MEI1: variants seen among roughly 807,000 people sequenced by gnomAD.
MEI1 encodes meiotic double-stranded break formation protein 1.
Under a neutral mutation model 146.2 loss-of-function variants are expected in MEI1, and 103 were observed. The observed-to-expected ratio is 0.70, with a 90% confidence interval of 0.60 to 0.83. The LOEUF is 0.83. Among genes scored for constraint, MEI1 ranks in the 40% least tolerant of loss-of-function variants. The pLI, the probability that MEI1 is intolerant of heterozygous loss-of-function variation, is 0.00. For missense variants in MEI1, 1,529 were observed against 1,533.0 expected, an observed-to-expected ratio of 1.00 and a Z score of 0.04; for synonymous variants, 652 against 628.2, an observed-to-expected ratio of 1.04 and a Z score of -0.57.
intron 6 of MEI1, among the ~76,000 whole-genome samples, chr22:41,720,660 G>C (rs1395605716): frequency 6.6e-6 from 1 of 150,520 alleles, no homozygotes; most frequent in Non-Finnish European, 1.5e-5. Flanking sequence ...CAGTGGGCGT[G>C]ATCTCAGCTC....
At chr22:41,732,433 A>G (rs2071947286) in intron 10 of MEI1, 36 bp from the exon 11 acceptor site, 2 of 1,613,560 alleles carry the variant, frequency 1.2e-6, no homozygotes, top group East Asian at 2.2e-5. Context: ...CAGTGAGAAG[A>G]GTTCACCTAC....
In MEI1 at chr22:41,799,419, TGAAATA is replaced by T; in HGVS notation, c.*124_*129del. On this transcript the variant is annotated 3_prime_UTR_variant, in exon 31 of 31. Transcript: ENST00000401548. ...CATATGGAGCCATATACTCTATTGTTGAAATAGAATAAGGAAATAAAATGATACACT... is the reference window on the plus strand; with the variant it reads ...CATATGGAGCCATATACTCTATTGTTGAATAAGGAAATAAAATGATACACT... 1.1e-6 allele frequency: 1 copy of T among 905,752 alleles called. No individual in the cohort carries two copies. The highest frequency in any genetic ancestry group is 1.7e-6 in the Non-Finnish European group (1 of 577,932). The allele number at this position is 905,752 out of a possible 1,614,324, so 56.1% of individuals were successfully genotyped here.
intron 11 of MEI1, among the ~76,000 whole-genome samples, chr22:41,739,477 A>G (rs1569221092): frequency 6.6e-6 from 1 of 151,882 alleles, no homozygotes; most frequent in Admixed American, 6.6e-5. Flanking sequence ...TTACATTGTG[A>G]AAGTTGTTAA....
At chr22:41,770,664 C>G (rs758135636) in intron 19 of MEI1, 22 bp from the exon 20 acceptor site, 2 of 1,608,544 alleles carry the variant, frequency 1.2e-6, no homozygotes, top group Non-Finnish European at 1.7e-6. Flanking sequence ...GTATTTACCT[C>G]CTTTCTTTGT....
chr22:41,793,767 G>T, intron 26 of MEI1, 62 bp from the exon 27 acceptor site: 1 of 1,408,328 alleles, frequency 7.1e-7, no homozygotes, highest in Non-Finnish European at 9.6e-7. Flanking sequence ...GTTTTTTCTT[G>T]GTTGGCACCA....
In MEI1 at chr22:41,734,626, A is replaced by C. The variant is rs142700922; in HGVS notation, c.1331+2023A>C. Reference sequence around the variant, plus strand: ...AACAAACAAACAATGGAATGTAAATAGTTGTCATGCTGTATTTAAAATTTT... The same window carrying C: ...AACAAACAAACAATGGAATGTAAATCGTTGTCATGCTGTATTTAAAATTTT... On this transcript the variant is annotated intron_variant, in intron 11 of 30. Coordinates refer to ENST00000401548, the MANE Select transcript of MEI1 (RefSeq NM_152513.4). 1.4e-3 allele frequency among the ~76,000 whole-genome samples: 220 copies of C among 152,242 alleles called. 1 individual carries two copies. Among genetic ancestry groups the C allele is most frequent in the African/African-American group, 5.2e-3 (215 of 41,552 alleles).
At chr22:41,721,789 C>T (rs2070844730) in intron 6 of MEI1, among the ~76,000 whole-genome samples, 1 of 136,094 alleles carries the variant, frequency 7.3e-6, no homozygotes, top group Admixed American at 8.0e-5. Flanking sequence ...CGCACGATCT[C>T]AGCTCACTGC....
Position 41,767,071 on chromosome 22 carries a change from G to A in MEI1, c.2269-3615G>A, listed in dbSNP as rs372127912. Among the ~76,000 whole-genome samples, 181 of 152,286 alleles carry A rather than the reference G, an allele frequency of 1.2e-3. 1 individual carries two copies. Among genetic ancestry groups the A allele is most frequent in the African/African-American group, 4.1e-3 (171 of 41,548 alleles). On this transcript the variant is annotated intron_variant, in intron 19 of 30. Transcript: ENST00000401548. ...CACTGAGGTCCTTGGTGAGCAATGG[G>A]ACTGCCTAGATGAGGTAGTGCTGCA...
chr22:41,715,491 G>A (rs1391338027), intron 4 of MEI1, among the ~76,000 whole-genome samples: 1 of 151,798 alleles, frequency 6.6e-6, no homozygotes, highest in Non-Finnish European at 1.5e-5. Flanking sequence ...CGCCTCCCGG[G>A]TTCACGCCAT....
chr22:41,713,009 C>T (rs1478317346), intron 3 of MEI1, among the ~76,000 whole-genome samples: 1 of 151,902 alleles, frequency 6.6e-6, no homozygotes, highest in Non-Finnish European at 1.5e-5. Flanking sequence ...CGGGGTTTCA[C>T]CGTGTTAGCC....
intron 7 of MEI1, among the ~76,000 whole-genome samples, chr22:41,724,763 C>T (rs955842541): frequency 2.6e-5 from 4 of 151,898 alleles, no homozygotes; most frequent in African/African-American, 9.7e-5. Context: ...TACACTCCAG[C>T]CTGGGTGATA....
In MEI1 at chr22:41,730,741, G is replaced by A. The variant is rs2071783693; in HGVS notation, c.1096+104G>A. On this transcript the variant is annotated intron_variant, in intron 9 of 30. Coordinates refer to ENST00000401548, the MANE Select transcript of MEI1 (RefSeq NM_152513.4). ...GGGCTAGCCTCCACCTTGGAGGGGA[G>A]CACTGAGTCTAGACATTTCATCAGC... The A allele has an allele frequency of 5.5e-6, 4 of 721,566 alleles. No homozygotes were observed. In the South Asian group the frequency reaches 6.0e-5, roughly 11 times the overall value. 44.7% of individuals were successfully genotyped at this position (721,566 alleles called of 1,614,324 possible). A position where few individuals can be genotyped will look rare whatever the true frequency, so the allele number is the denominator to read the frequency against.
intron 2 of MEI1, among the ~76,000 whole-genome samples, chr22:41,703,866 G>A (rs1329844086): frequency 2.0e-5 from 3 of 152,118 alleles, no homozygotes; most frequent in African/African-American, 7.2e-5. Flanking sequence ...CGTGCCTGTA[G>A]TCCCAGCTAC....
At position 41,776,122 on chromosome 22, in the gene MEI1, A is replaced by G. The variant is rs1161642780; in HGVS notation, c.2565A>G (p.Pro855=). Residue 855 remains proline (P), a synonymous_variant, in exon 21 of 31, where the codon CCA becomes CCG. Transcript: ENST00000401548. ...CTCAGGACCTCATCTATTCCAGCCC[A>G]GTGGACACAGCTCACAAGGTACTGA... ...LILLDLIYSS[P]VDTAHKVLIS... The G allele has an allele frequency of 2.5e-6, 4 of 1,613,906 alleles. No homozygotes were observed. The highest frequency in any genetic ancestry group is 1.6e-4 in the Middle Eastern group (1 of 6,062).
chr22:41,723,293 AC>A (rs1490485277), intron 6 of MEI1, among the ~76,000 whole-genome samples: 3 of 151,942 alleles, frequency 2.0e-5, no homozygotes, highest in South Asian at 2.1e-4. Flanking sequence ...GTTCACTGCA[AC>A]CTGTGTCTGC....
intron 26 of MEI1, among the ~76,000 whole-genome samples, chr22:41,791,710 A>G (rs1412643872): frequency 6.6e-6 from 1 of 152,228 alleles, no homozygotes; most frequent in Non-Finnish European, 1.5e-5. Context: ...TGTCCATAGC[A>G]GCACTATTCA....
At chr22:41,783,152 C>T (rs1217615172) in intron 24 of MEI1, among the ~76,000 whole-genome samples, 3 of 151,556 alleles carry the variant, frequency 2.0e-5, no homozygotes, top group East Asian at 3.9e-4. Context: ...CATTGCCATA[C>T]CTTTTTTTTG....
At chr22:41,711,333 C>T (rs918523032) in intron 3 of MEI1, among the ~76,000 whole-genome samples, 1 of 152,170 alleles carries the variant, frequency 6.6e-6, no homozygotes, top group Admixed American at 6.5e-5. Context: ...CCATTGCGCC[C>T]GGCTAATTTT....
intron 18 of MEI1, among the ~76,000 whole-genome samples, chr22:41,760,794 C>G (rs980164695): frequency 6.6e-6 from 1 of 152,142 alleles, no homozygotes. Flanking sequence ...TGAAACAGAA[C>G]AGAGCAGGGA....
Sources: gnomAD v4.1 joint callset for allele counts (sites outside exome capture counted in the v4.1 genomes callset) on GRCh38, gnomAD v4.1.1 for gene constraint, MANE v1.5 for transcripts, NCBI Gene and HGNC (gene_info 2026-07-23, HGNC 2026-07-21) for gene names.